The following GAREM2 variants were observed in gnomAD, a reference collection of about 807,000 sequenced individuals.
The protein encoded by GAREM2 is GRB2 associated regulator of MAPK1 subtype 2.
Under a neutral mutation model 55.6 loss-of-function variants are expected in GAREM2, and 30 were observed. The observed-to-expected ratio is 0.54, with a 90% CI of 0.40 to 0.73. GAREM2 has a LOEUF of 0.73. Among genes scored for constraint, GAREM2 ranks in the 30% least tolerant of loss-of-function variants. The probability of loss-of-function intolerance (pLI) is 0.00; values close to 1 mark genes in which losing one functional copy is unlikely to be tolerated. For synonymous variants in GAREM2, 550 were observed against 569.1 expected (o/e 0.97, Z 0.48); for missense variants, 1,075 against 1,257.7 (o/e 0.85, Z 2.20).
At chr2:26,175,331 C>A (rs2147718952) in intron 1 of GAREM2, among the ~76,000 whole-genome samples, 1 of 152,258 alleles carries the variant, frequency 6.6e-6, no homozygotes, top group South Asian at 2.1e-4. Flanking sequence ...GTTGGCGCCT[C>A]CAGGCCCAGA....
chr2:26,182,075 A>T (rs1248077781), intron 2 of GAREM2: 5 of 1,052,416 alleles, frequency 4.8e-6, no homozygotes, highest in Non-Finnish European at 4.6e-6. Context: ...GCTTGAGAAG[A>T]GGCCATCCAT....
Position 26,185,196 on chromosome 2 carries a change from C to G in GAREM2, c.1348C>G (p.Leu450Val), listed in dbSNP as rs962051652. The change falls in exon 4 of 6, where the codon CTC (leucine) becomes GTC (valine). Residue 450 changes from leucine to valine, a missense_variant. By Grantham distance (32) the Leu-to-Val change is conservative. Around this residue, in one of 6 missense-constraint regions of GAREM2, gnomAD observed 515 missense variants for 501.5 expected, o/e 1.03. Coordinates refer to ENST00000401533, the MANE Select transcript of GAREM2 (RefSeq NM_001168241.2). ...GLVRPPPGLDLISFGAAGPPR... is the reference protein window; with the variant it reads ...GLVRPPPGLDVISFGAAGPPR... Reference sequence around the variant, plus strand: ...CGTCCGGCCGCCCCCAGGGCTCGATCTCATCTCCTTCGGGGCCGCGGGACC... The same window carrying G: ...CGTCCGGCCGCCCCCAGGGCTCGATGTCATCTCCTTCGGGGCCGCGGGACC... 4 of 1,520,116 alleles carry G rather than the reference C, an allele frequency of 2.6e-6. No individual in the cohort carries two copies. Among genetic ancestry groups the G allele is most frequent in the Non-Finnish European group, 3.5e-6 (4 of 1,140,874 alleles). The allele number at this position is 1,520,116 out of a possible 1,614,324, so 94.2% of individuals were successfully genotyped here. A position where few individuals can be genotyped will look rare whatever the true frequency, so the allele number is the denominator to read the frequency against.
At chr2:26,186,483 G>C in intron 5 of GAREM2, 125 bp downstream of exon 5, 1 of 899,512 alleles carries the variant, frequency 1.1e-6, no homozygotes, top group Non-Finnish European at 1.7e-6. Context: ...CGAGGGTGCA[G>C]CTCCCTGTGC....
At chr2:26,192,341 C>T, downstream of GAREM2, 1 of 1,604,824 alleles carries the variant, frequency 6.2e-7, no homozygotes, top group Non-Finnish European at 8.5e-7. Context: ...TTCAGACTCG[C>T]TAAAATACTA....
At chr2:26,196,789 G>A in the GAREM2 span, among the ~76,000 whole-genome samples, 4 of 152,164 alleles carry the variant, frequency 2.6e-5, no homozygotes, top group Admixed American at 2.0e-4. Context: ...CAACGGCATC[G>A]CCTGTACTGA....
At position 26,184,622 on chromosome 2, in the gene GAREM2, C is replaced by A; in HGVS notation, c.774C>A (p.Ile258=). 6.5e-7 allele frequency: 1 copy of A among 1,548,078 alleles called. No individual in the cohort carries two copies. The highest frequency in any genetic ancestry group is 2.5e-5 in the East Asian group (1 of 40,710). ...QEGEHTVRAI[I]ERVRLPVNVL... is the part of the protein sequence containing the mutation. Reference sequence around the variant, plus strand: ...GCGAGCACACGGTGCGCGCCATCATCGAGCGCGTGAGGCTGCCGGTGAACG... The same window carrying A: ...GCGAGCACACGGTGCGCGCCATCATAGAGCGCGTGAGGCTGCCGGTGAACG... Residue 258 remains isoleucine, a synonymous_variant, in exon 4 of 6, where the codon ATC becomes ATA. Transcript: ENST00000401533.
downstream of GAREM2, among the ~76,000 whole-genome samples, chr2:26,190,296 G>A (rs1669453484): frequency 6.6e-6 from 1 of 152,204 alleles, no homozygotes; most frequent in African/African-American, 2.4e-5. Flanking sequence ...CACACACTCA[G>A]CGTGGATCCT....
chr2:26,183,064 CT>C lies in GAREM2; in HGVS notation c.353del (p.Phe118SerfsTer2). On this transcript the variant is annotated frameshift_variant, in exon 3 of 6. Coordinates refer to ENST00000401533, the MANE Select transcript of GAREM2 (RefSeq NM_001168241.2). LOFTEE classifies it high-confidence loss of function. ...TGGCCAGTGTCTTCCCTGACCGCAT[CT>C]TCGTGATGGAAGCCATCACCTTCAG... ...EVASVFPDRI[F>X]VMEAITFSVK... 1.9e-6 allele frequency: 3 copies of C among 1,551,718 alleles called. No individual in the cohort carries two copies. The highest frequency in any genetic ancestry group is 2.6e-6 in the Non-Finnish European group (3 of 1,146,970).
rs1365859351 is a variant in GAREM2 at position 26,189,387 on chromosome 2, C to G, written c.*1130C>G. The G allele has an allele frequency of 6.6e-6, 1 of 152,242 alleles. No homozygotes were observed. Among genetic ancestry groups the G allele is most frequent in the Non-Finnish European group, 1.5e-5 (1 of 68,080 alleles). 9.4% of individuals were successfully genotyped at this position (152,242 alleles called of 1,614,324 possible). A position where few individuals can be genotyped will look rare whatever the true frequency, so the allele number is the denominator to read the frequency against. ...TCCGTGTCCTCCATCTCACCCAGAACCACAGGGTGCCCACTAGTGTCAGGG... is the reference window on the plus strand; with the variant it reads ...TCCGTGTCCTCCATCTCACCCAGAAGCACAGGGTGCCCACTAGTGTCAGGG... On this transcript the variant is annotated 3_prime_UTR_variant, in exon 6 of 6. Transcript: ENST00000401533.
chr2:26,190,826 A>C, downstream of GAREM2: 1 of 283,298 alleles, frequency 3.5e-6, no homozygotes, highest in South Asian at 3.9e-5. Flanking sequence ...GCTTTCTTCC[A>C]GATTGCTTTT....
At chr2:26,176,289 C>A (rs761676685) in intron 1 of GAREM2, 55 bp from the exon 2 acceptor site, 16 of 1,451,820 alleles carry the variant, frequency 1.1e-5, no homozygotes, top group Admixed American at 2.3e-5. Context: ...CTTTCTGCCC[C>A]TTCTAATGTC....
chr2:26,191,122 A>G, downstream of GAREM2: 1 of 920,346 alleles, frequency 1.1e-6, no homozygotes, highest in Non-Finnish European at 1.7e-6. Flanking sequence ...CACTTTAATC[A>G]GGGAGCAAAC....
downstream of GAREM2, among the ~76,000 whole-genome samples, chr2:26,190,383 G>A (rs3828255): frequency 0.15 from 22,710 of 152,104 alleles, 2,092 homozygotes; most frequent in Middle Eastern, 0.21. Flanking sequence ...CATCCCAGGG[G>A]GTGGGGTGGG....
At chr2:26,186,041 A>T in intron 4 of GAREM2, 148 bp from the exon 5 acceptor site, 1 of 721,580 alleles carries the variant, frequency 1.4e-6, no homozygotes, top group Non-Finnish European at 2.2e-6. Flanking sequence ...GGCTGACTGG[A>T]TGAGCAGTTG....
Position 26,188,022 on chromosome 2 carries a change from C to T in GAREM2, c.2390C>T (p.Ala797Val), listed in dbSNP as rs1247817114. 1.3e-6 allele frequency: 2 copies of T among 1,493,052 alleles called. No homozygotes were observed. Among genetic ancestry groups the T allele is most frequent in the Non-Finnish European group, 1.8e-6 (2 of 1,112,652 alleles). The allele number at this position is 1,493,052 out of a possible 1,614,324, so 92.5% of individuals were successfully genotyped here. Residue 797 changes from alanine to valine, a missense_variant, in exon 6 of 6, where the codon GCC becomes GTC. Physicochemically the swap from Ala to Val is moderately conservative, Grantham distance 64. This residue lies in a region of GAREM2 where 142 missense variants were observed against 172.3 expected (regional missense o/e 0.82). Coordinates refer to ENST00000401533, the MANE Select transcript of GAREM2 (RefSeq NM_001168241.2). ...DGATGFGVRDASSWQPPADLS... is the reference protein window; with the variant it reads ...DGATGFGVRDVSSWQPPADLS... ...GCCACAGGCTTTGGAGTCCGAGATG[C>T]CTCCTCCTGGCAGCCCCCTGCTGAC... is the stretch of plus-strand genomic sequence containing the variant.
chr2:26,181,228 T>G, intron 2 of GAREM2: 1 of 772,984 alleles, frequency 1.3e-6, no homozygotes, highest in Non-Finnish European at 1.6e-6. Flanking sequence ...GCCTTTCAAA[T>G]CCCAGTTGCT....
Position 26,183,057 on chromosome 2 carries a change from A to C in GAREM2, c.344A>C (p.Asp115Ala). The part of the protein sequence containing the change: ...SVEEVASVFP[D>A]RIFVMEAITF... ...GAGGAGGTGGCCAGTGTCTTCCCTG[A>C]CCGCATCTTCGTGATGGAAGCCATC... The change falls in exon 3 of 6, where the codon GAC (aspartate) becomes GCC (alanine). Residue 115 changes from aspartate (D) to alanine (A), a missense_variant. By Grantham distance (126) the Asp-to-Ala change is moderately radical. Around this residue, in one of 6 missense-constraint regions of GAREM2, gnomAD observed 230 missense variants for 310.6 expected, o/e 0.74. Transcript: ENST00000401533. 6.4e-7 allele frequency: 1 copy of C among 1,551,658 alleles called. No individual in the cohort carries two copies. The highest frequency in any genetic ancestry group is 8.7e-7 in the Non-Finnish European group (1 of 1,146,968).
At chr2:26,191,165 A>T, downstream of GAREM2, 1 of 1,389,570 alleles carries the variant, frequency 7.2e-7, no homozygotes, top group Non-Finnish European at 1.0e-6. Context: ...CGTTACTCTG[A>T]TAAATCTAGA....
chr2:26,198,623 A>T, the GAREM2 span, among the ~76,000 whole-genome samples: 1 of 151,002 alleles, frequency 6.6e-6, no homozygotes, highest in South Asian at 2.1e-4. Context: ...ACAAAATAAG[A>T]TTATAATGCA....
Sources: allele counts gnomAD v4.1 joint callset (sites outside exome capture counted in the v4.1 genomes callset), GRCh38; gene constraint gnomAD v4.1.1; regional missense constraint gnomAD v4.1.1; transcripts MANE v1.5; gene names NCBI Gene and HGNC (gene_info 2026-07-23, HGNC 2026-07-21).